The following RXFP1 variants were observed in gnomAD, a reference collection of about 807,000 sequenced individuals.
The protein encoded by RXFP1 is relaxin family peptide receptor 1.
RXFP1 carries 73 observed loss-of-function variants against 89.8 expected under a neutral mutation model. The ratio of observed to expected loss-of-function variants is 0.81; its 90% CI spans 0.67 to 0.99. The LOEUF is 0.99. Among genes scored for constraint, RXFP1 ranks in the 50% least tolerant of loss-of-function variants. RXFP1 has a pLI of 0.00. For missense variants in RXFP1, 793 were observed against 895.5 expected, an observed-to-expected ratio of 0.89 and a Z score of 1.46; for synonymous variants, 277 against 305.5, an observed-to-expected ratio of 0.91 and a Z score of 0.97.
At chr4:158,613,992 C>T (rs992995930) in intron 8 of RXFP1, among the ~76,000 whole-genome samples, 10 of 152,286 alleles carry the variant, frequency 6.6e-5, no homozygotes, top group African/African-American at 2.4e-4. Flanking sequence ...CATGAATCTC[C>T]TTGTAGATCT....
At chr4:158,651,660 C>G in intron 17 of RXFP1, 97 bp from the exon 18 acceptor site, 1 of 919,688 alleles carries the variant, frequency 1.1e-6, no homozygotes, top group Non-Finnish European at 1.6e-6. Flanking sequence ...AAAATCAAAA[C>G]TCAAAAAGGG....
At chr4:158,603,930 C>T (rs895668847) in intron 4 of RXFP1, among the ~76,000 whole-genome samples, 2 of 135,338 alleles carry the variant, frequency 1.5e-5, no homozygotes, top group African/African-American at 5.5e-5. Flanking sequence ...AATAATAATA[C>T]AGATATACTA....
At position 158,648,546 on chromosome 4, in the gene RXFP1, A is replaced by T; in HGVS notation, c.1804A>T (p.Met602Leu). ...FIIIVFSYGS[M>L]FYSVHQSAIT... ...CATCATAGTTTTTTCCTATGGAAGC[A>T]TGTTTTATAGTGTTCATCAAAGTGC... is the stretch of plus-strand genomic sequence containing the variant. Residue 602 changes from methionine to leucine, a missense_variant, in exon 17 of 18, where the codon ATG becomes TTG. By Grantham distance (15) the Met-to-Leu change is conservative (BLOSUM62 2). Coordinates refer to ENST00000307765, the MANE Select transcript of RXFP1 (RefSeq NM_021634.4). 1 of 1,610,538 alleles carries T rather than the reference A, an allele frequency of 6.2e-7. No individual in the cohort carries two copies. Among genetic ancestry groups the T allele is most frequent in the South Asian group, 1.1e-5 (1 of 90,080 alleles).
At chr4:158,554,469 CT>C (rs1255027012) in intron 1 of RXFP1, among the ~76,000 whole-genome samples, 1 of 152,092 alleles carries the variant, frequency 6.6e-6, no homozygotes, top group Non-Finnish European at 1.5e-5. Context: ...TGTCTTTTAT[CT>C]TATACAAATA....
chr4:158,633,341 A>G, intron 11 of RXFP1, 64 bp from the exon 12 acceptor site: 1 of 1,069,232 alleles, frequency 9.4e-7, no homozygotes, highest in Non-Finnish European at 1.4e-6. Flanking sequence ...TTTCCTAATG[A>G]ATTTCAGAAC....
At position 158,570,750 on chromosome 4, in the gene RXFP1, C is replaced by A. The variant is rs866659513; in HGVS notation, c.50-1948C>A. On this transcript the variant is annotated intron_variant, in intron 1 of 17. Coordinates refer to ENST00000307765, the MANE Select transcript of RXFP1 (RefSeq NM_021634.4). Reference sequence around the variant, plus strand: ...CAAAACATACCTGTTTCCTAATTGGCCCCTTGGCTTCAAATTCTTCATTGA... The same window carrying A: ...CAAAACATACCTGTTTCCTAATTGGACCCTTGGCTTCAAATTCTTCATTGA... Among the ~76,000 whole-genome samples, 11 of 152,228 alleles carry A rather than the reference C, an allele frequency of 7.2e-5. No individual in the cohort carries two copies. In the Middle Eastern group the frequency reaches 0.027, roughly 379 times the overall value.
intron 1 of RXFP1, among the ~76,000 whole-genome samples, chr4:158,570,209 C>G (rs1158692851): frequency 6.6e-6 from 1 of 152,088 alleles, no homozygotes; most frequent in African/African-American, 2.4e-5. Flanking sequence ...TCCAACAAGG[C>G]TGGAGCCCAA....
chr4:158,545,281 C>G (rs911007112), intron 1 of RXFP1, among the ~76,000 whole-genome samples: 5 of 152,016 alleles, frequency 3.3e-5, no homozygotes, highest in African/African-American at 4.8e-5. Context: ...CCTTCGCCCA[C>G]TTTTTGATGG....
chr4:158,647,109 A>G lies in RXFP1; in HGVS notation c.1664A>G (p.Asn555Ser), dbSNP rs776790937. The G allele has an allele frequency of 1.2e-6, 2 of 1,613,998 alleles. No homozygotes were observed. Among genetic ancestry groups the G allele is most frequent in the African/African-American group, 2.7e-5 (2 of 74,946 alleles). ...TTGAGCAATAAGGAATTTTTCAAAA[A>G]CTACTATGGCACCAATGGAGTATGC... ...IPLSNKEFFK[N>S]YYGTNGVCFP... Residue 555 changes from asparagine to serine, a missense_variant, in exon 16 of 18, where the codon AAC becomes AGC. Coordinates refer to ENST00000307765, the MANE Select transcript of RXFP1 (RefSeq NM_021634.4).
chr4:158,534,277 C>T (rs1055905445), intron 1 of RXFP1, among the ~76,000 whole-genome samples: 15 of 139,438 alleles, frequency 1.1e-4, no homozygotes, highest in Admixed American at 4.4e-4. Context: ...GACAGAGTTT[C>T]GCTCTTGTTG....
chr4:158,557,603 G>A (rs1245323914), intron 1 of RXFP1, among the ~76,000 whole-genome samples: 2 of 152,214 alleles, frequency 1.3e-5, no homozygotes, highest in Non-Finnish European at 2.9e-5. Flanking sequence ...GGGCTCCAAG[G>A]AATCCTCCAG....
Position 158,523,949 on chromosome 4 carries a change from G to A in RXFP1, c.49+1924G>A, listed in dbSNP as rs972563359. Among the ~76,000 whole-genome samples, 45 of 152,140 alleles carry A rather than the reference G, an allele frequency of 3.0e-4. 1 individual carries two copies. Among genetic ancestry groups the A allele is most frequent in the Admixed American group, 2.9e-3 (45 of 15,268 alleles). ...TCCACTTTCCTGTAACGGGAAAGGCGATGTGATATCATGGAAGACACCTAA... is the reference window on the plus strand; with the variant it reads ...TCCACTTTCCTGTAACGGGAAAGGCAATGTGATATCATGGAAGACACCTAA... On this transcript the variant is annotated intron_variant, in intron 1 of 17. Transcript: ENST00000307765.
At chr4:158,586,198 CTG>C (rs1425430418) in intron 2 of RXFP1, among the ~76,000 whole-genome samples, 3 of 152,316 alleles carry the variant, frequency 2.0e-5, no homozygotes, top group Admixed American at 6.5e-5. Flanking sequence ...ATAAGAGAGA[CTG>C]AGCTTTCTCT....
At chr4:158,629,503 AG>A (rs1767600175) in intron 11 of RXFP1, among the ~76,000 whole-genome samples, 1 of 152,230 alleles carries the variant, frequency 6.6e-6, no homozygotes, top group Non-Finnish European at 1.5e-5. Context: ...GATGAACCAA[AG>A]CCCGTGGTCT....
chr4:158,557,698 A>C (rs972026335), intron 1 of RXFP1, among the ~76,000 whole-genome samples: 1 of 152,216 alleles, frequency 6.6e-6, no homozygotes, highest in African/African-American at 2.4e-5. Flanking sequence ...AGAATATTCA[A>C]ATTAAAAACT....
At chr4:158,626,772 C>A (rs1766929156) in intron 9 of RXFP1, 48 bp from the exon 10 acceptor site, 6 of 1,143,236 alleles carry the variant, frequency 5.2e-6, no homozygotes, top group Non-Finnish European at 7.6e-6. Context: ...CAATTTATTT[C>A]TCTCCATGAT....
intron 4 of RXFP1, among the ~76,000 whole-genome samples, chr4:158,600,058 A>G (rs1761391118): frequency 6.6e-6 from 1 of 152,246 alleles, no homozygotes; most frequent in African/African-American, 2.4e-5. Flanking sequence ...AATTCAATGA[A>G]CTTCAGCAAC....
chr4:158,580,010 G>T (rs1276126190), intron 2 of RXFP1, among the ~76,000 whole-genome samples: 5 of 152,174 alleles, frequency 3.3e-5, no homozygotes, highest in Non-Finnish European at 7.3e-5. Flanking sequence ...ACCATACAGG[G>T]CTAGATGGGA....
At chr4:158,619,150 A>G (rs1402501364) in intron 9 of RXFP1, among the ~76,000 whole-genome samples, 1 of 152,200 alleles carries the variant, frequency 6.6e-6, no homozygotes, top group Non-Finnish European at 1.5e-5. Flanking sequence ...CAATACTTCA[A>G]TCAACATGAC....
Sources: gnomAD v4.1 joint callset for allele counts (sites outside exome capture counted in the v4.1 genomes callset) on GRCh38, gnomAD v4.1.1 for gene constraint, MANE v1.5 for transcripts, NCBI Gene and HGNC (gene_info 2026-07-23, HGNC 2026-07-21) for gene names.